The following EHBP1 variants were observed in gnomAD, a reference collection of about 807,000 sequenced individuals.
The protein encoded by EHBP1 is EH domain binding protein 1, also known as EH domain-binding protein 1.
In EHBP1, 55 loss-of-function variants were observed where a neutral mutation model predicts 144.0. That is an observed-to-expected ratio of 0.38 (90% CI 0.31 to 0.48). The LOEUF (loss-of-function observed/expected upper bound fraction) is 0.48. Ranked by LOEUF, EHBP1 falls within the 20% of genes least tolerant of loss-of-function variation. EHBP1 has a pLI of 0.98. For synonymous variants in EHBP1, 469 were observed against 472.7 expected (o/e 0.99, Z 0.10); for missense variants, 1,200 against 1,364.2 (o/e 0.88, Z 1.90).
At chr2:62,767,709 GC>G in intron 4 of EHBP1, among the ~76,000 whole-genome samples, 1 of 151,656 alleles carries the variant, frequency 6.6e-6, no homozygotes, top group Non-Finnish European at 1.5e-5. Flanking sequence ...AGTGGTGTGT[GC>G]CTGTAGTCCC....
At chr2:62,691,737 T>C (rs898697599) in intron 1 of EHBP1, among the ~76,000 whole-genome samples, 2 of 152,176 alleles carry the variant, frequency 1.3e-5, no homozygotes, top group Admixed American at 6.5e-5. Context: ...CAGGAAAAAC[T>C]AGAACCCACA....
At position 63,045,354 on chromosome 2, in the gene EHBP1, C is replaced by A; in HGVS notation, c.3393-56C>A. 6.6e-7 allele frequency: 1 copy of A among 1,520,854 alleles called. No individual in the cohort carries two copies. Among genetic ancestry groups the A allele is most frequent in the Non-Finnish European group, 9.1e-7 (1 of 1,096,890 alleles). 94.2% of individuals were successfully genotyped at this position (1,520,854 alleles called of 1,614,324 possible). ...GGGCGACGGGGGAGTGCTGCTCTGC[C>A]CTCCACGAAGAAAAATAATTTTGTT... On this transcript the variant is annotated intron_variant, in intron 22 of 22. Coordinates refer to ENST00000431489, the MANE Select transcript of EHBP1 (RefSeq NM_001142616.3). This position sits in a 1 kb window ranked among gnomAD's most constrained non-coding sequence, Gnocchi z 5.7.
chr2:62,934,489 A>T (rs558729564), intron 10 of EHBP1, among the ~76,000 whole-genome samples: 1 of 152,224 alleles, frequency 6.6e-6, no homozygotes, highest in East Asian at 1.9e-4. Context: ...CGGAAAATGT[A>T]TACAATTAAT....
intron 19 of EHBP1, among the ~76,000 whole-genome samples, chr2:63,030,041 A>AT (rs1306527506): frequency 6.6e-6 from 1 of 152,144 alleles, no homozygotes; most frequent in Non-Finnish European, 1.5e-5. Context: ...AACAGAAGCC[A>AT]TATTGGGTGT....
At chr2:62,755,192 T>A (rs1315244588) in intron 3 of EHBP1, among the ~76,000 whole-genome samples, 1 of 152,218 alleles carries the variant, frequency 6.6e-6, no homozygotes, top group Non-Finnish European at 1.5e-5. Flanking sequence ...AGGTGAACAC[T>A]GTTTTGATTT....
intron 10 of EHBP1, among the ~76,000 whole-genome samples, chr2:62,882,389 G>A (rs2051522248): frequency 6.6e-6 from 1 of 152,156 alleles, no homozygotes; most frequent in Non-Finnish European, 1.5e-5. Context: ...ATATCCATAA[G>A]AGTAAAAATA....
chr2:62,680,822 A>G (rs2033487097), intron 1 of EHBP1, among the ~76,000 whole-genome samples: 1 of 152,190 alleles, frequency 6.6e-6, no homozygotes, highest in African/African-American at 2.4e-5. Context: ...TCCTATCTCT[A>G]CTACCAACTC....
intron 3 of EHBP1, among the ~76,000 whole-genome samples, chr2:62,758,261 A>G (rs2040475924): frequency 6.6e-6 from 1 of 151,914 alleles, no homozygotes; most frequent in African/African-American, 2.4e-5. Context: ...GTCATGCACC[A>G]CCACACCTGG....
intron 10 of EHBP1, among the ~76,000 whole-genome samples, chr2:62,926,927 T>C (rs2055562845): frequency 6.6e-6 from 1 of 152,158 alleles, no homozygotes; most frequent in Non-Finnish European, 1.5e-5. Context: ...AGCCAAGATA[T>C]AGACTCAACC....
At chr2:62,911,957 A>G (rs2054251636) in intron 10 of EHBP1, among the ~76,000 whole-genome samples, 1 of 152,192 alleles carries the variant, frequency 6.6e-6, no homozygotes, top group African/African-American at 2.4e-5. Flanking sequence ...TATGTGTGAA[A>G]TATATATAAA....
At chr2:62,994,149 T>C (rs918248286) in intron 18 of EHBP1, 172 bp downstream of exon 18, 39 of 402,770 alleles carry the variant, frequency 9.7e-5, no homozygotes, top group Non-Finnish European at 1.6e-4. Context: ...AGTGTGGTGA[T>C]AATTGTCAGA....
intron 19 of EHBP1, among the ~76,000 whole-genome samples, chr2:63,029,607 C>A (rs2061143293): frequency 1.3e-5 from 2 of 151,906 alleles, no homozygotes; most frequent in Non-Finnish European, 2.9e-5. Flanking sequence ...TCAATTCTTA[C>A]AACAATCGTG....
intron 5 of EHBP1, among the ~76,000 whole-genome samples, chr2:62,783,819 T>A (rs1364217954): frequency 6.6e-6 from 1 of 152,248 alleles, no homozygotes; most frequent in East Asian, 1.9e-4. Flanking sequence ...TCTTGGTGAC[T>A]AACATTAGTC....
At chr2:62,807,230 T>G (rs2044590829) in intron 5 of EHBP1, among the ~76,000 whole-genome samples, 1 of 152,222 alleles carries the variant, frequency 6.6e-6, no homozygotes, top group Admixed American at 6.5e-5. Context: ...TTACACAAAC[T>G]GATATCTATT....
intron 2 of EHBP1, among the ~76,000 whole-genome samples, chr2:62,710,945 A>G (rs2035088054): frequency 6.6e-6 from 1 of 152,222 alleles, no homozygotes; most frequent in Admixed American, 6.5e-5. Context: ...ATAGAGATAC[A>G]TGAGCCTTGA....
chr2:62,836,900 G>C (rs1462832937), intron 7 of EHBP1, among the ~76,000 whole-genome samples: 2 of 149,736 alleles, frequency 1.3e-5, no homozygotes, highest in East Asian at 3.9e-4. Context: ...ATGGAACCAA[G>C]TTGGAAAACA....
chr2:62,970,268 T>A (rs577848495), intron 14 of EHBP1, among the ~76,000 whole-genome samples: 25 of 152,166 alleles, frequency 1.6e-4, no homozygotes, highest in African/African-American at 5.1e-4. Flanking sequence ...AAACTTTTTT[T>A]AAAAAAATTT....
chr2:63,011,797 G>A (rs975132919), intron 19 of EHBP1, among the ~76,000 whole-genome samples: 1 of 151,850 alleles, frequency 6.6e-6, no homozygotes, highest in Admixed American at 6.6e-5. Flanking sequence ...AGAAATTTTG[G>A]CAGGAGAATT....
At chr2:62,937,554 G>A (rs1220739953) in intron 10 of EHBP1, among the ~76,000 whole-genome samples, 7 of 152,128 alleles carry the variant, frequency 4.6e-5, no homozygotes, top group Admixed American at 4.6e-4. Flanking sequence ...AAGAGTCAAA[G>A]GAACACTGAA....
Sources: allele counts gnomAD v4.1 joint callset (sites outside exome capture counted in the v4.1 genomes callset), GRCh38; gene constraint gnomAD v4.1.1; non-coding constraint Gnocchi (gnomAD v3.1); transcripts MANE v1.5; gene names NCBI Gene and HGNC (gene_info 2026-07-23, HGNC 2026-07-21).